Variants in GYS2 observed in about 807,000 individuals in gnomAD.
GYS2 encodes glycogen synthase 2.
GYS2 carries 80 observed loss-of-function variants against 85.6 expected under a neutral mutation model. The ratio of observed to expected loss-of-function variants is 0.93; its 90% confidence interval spans 0.78 to 1.13. The LOEUF is 1.13. Among genes scored for constraint, GYS2 ranks in the 50% most tolerant of loss-of-function variants. The pLI, the probability that GYS2 is intolerant of heterozygous loss-of-function variation, is 0.00. For missense variants in GYS2, 881 were observed against 854.9 expected, an observed-to-expected ratio of 1.03 and a Z score of -0.38; for synonymous variants, 328 against 300.7, an observed-to-expected ratio of 1.09 and a Z score of -0.94.
chr12:21,536,859 T>G lies in GYS2; in HGVS notation c.*95A>C. 1.2e-6 allele frequency: 1 copy of G among 846,034 alleles called. No individual in the cohort carries two copies. 52.4% of individuals were successfully genotyped at this position (846,034 alleles called of 1,614,324 possible). On this transcript the variant is annotated 3_prime_UTR_variant, in exon 16 of 16. Coordinates refer to ENST00000261195, the MANE Select transcript of GYS2 (RefSeq NM_021957.4). Reference sequence around the variant, plus strand: ...AGAGAATAAACTCCATTGTAATACTTAGAAGGAGAAAATGAAATTTGTGGC... The same window carrying G: ...AGAGAATAAACTCCATTGTAATACTGAGAAGGAGAAAATGAAATTTGTGGC...
Position 21,586,632 on chromosome 12 carries a change from T to C in GYS2, c.122-6109A>G, listed in dbSNP as rs183192284. On this transcript the variant is annotated intron_variant, in intron 1 of 15. Transcript: ENST00000261195. Reference sequence around the variant, plus strand: ...TTAAAACCACCATATGATACCTCCTTATGCCAGTCAGAATGGCTATCATTA... The same window carrying C: ...TTAAAACCACCATATGATACCTCCTCATGCCAGTCAGAATGGCTATCATTA... 9.7e-4 allele frequency among the ~76,000 whole-genome samples: 148 copies of C among 152,260 alleles called. 1 individual carries two copies. Among genetic ancestry groups the C allele is most frequent in the Non-Finnish European group, 1.9e-3 (130 of 68,016 alleles).
intron 12 of GYS2, among the ~76,000 whole-genome samples, chr12:21,544,132 A>T (rs895611993): frequency 4.6e-5 from 7 of 152,214 alleles, no homozygotes; most frequent in African/African-American, 1.7e-4. Context: ...ACGTAAAAAG[A>T]TTATTCTAAA....
intron 2 of GYS2, among the ~76,000 whole-genome samples, chr12:21,576,807 T>TA (rs1944452295): frequency 1.3e-5 from 2 of 152,200 alleles, no homozygotes; most frequent in African/African-American, 4.8e-5. Context: ...TCTCCATATT[T>TA]CTATAGTAAT....
At chr12:21,576,310 A>G (rs1028723119) in intron 2 of GYS2, among the ~76,000 whole-genome samples, 1 of 152,194 alleles carries the variant, frequency 6.6e-6, no homozygotes, top group African/African-American at 2.4e-5. Context: ...AAATCATGTA[A>G]TCTCTGTTCA....
At chr12:21,575,723 C>T (rs1944437220) in intron 3 of GYS2, 143 bp downstream of exon 3, 2 of 718,486 alleles carry the variant, frequency 2.8e-6, no homozygotes, top group Admixed American at 2.0e-5. Context: ...TCAACATTTC[C>T]TCAGATTTCT....
chr12:21,580,078 C>T (rs971539208), intron 2 of GYS2, among the ~76,000 whole-genome samples: 1 of 152,186 alleles, frequency 6.6e-6, no homozygotes, highest in African/African-American at 2.4e-5. Context: ...ACACTCATGA[C>T]TTCAGTTTAT....
intron 15 of GYS2, among the ~76,000 whole-genome samples, chr12:21,537,811 A>G (rs1943927456): frequency 6.6e-6 from 1 of 152,336 alleles, no homozygotes; most frequent in South Asian, 2.1e-4. Context: ...GAGATAACTT[A>G]TTTGATAAAC....
intron 12 of GYS2, among the ~76,000 whole-genome samples, chr12:21,546,100 C>T (rs1944036222): frequency 6.6e-6 from 1 of 151,986 alleles, no homozygotes; most frequent in Admixed American, 6.6e-5. Flanking sequence ...TGAGGCAATA[C>T]CTCACATACC....
intron 4 of GYS2, among the ~76,000 whole-genome samples, chr12:21,570,468 G>A (rs553798290): frequency 3.3e-5 from 5 of 152,242 alleles, no homozygotes; most frequent in South Asian, 2.1e-4. Context: ...CGCAGTAAGC[G>A]TAGTCAGTAT....
At chr12:21,587,223 C>A (rs1944584000) in intron 1 of GYS2, among the ~76,000 whole-genome samples, 1 of 152,154 alleles carries the variant, frequency 6.6e-6, no homozygotes, top group Non-Finnish European at 1.5e-5. Flanking sequence ...GACTGAAAAA[C>A]TACGGATTGG....
chr12:21,536,782 T>C lies in GYS2; in HGVS notation c.*172A>G. 1 of 625,176 alleles carries C rather than the reference T, an allele frequency of 1.6e-6. No individual in the cohort carries two copies. The highest frequency in any genetic ancestry group is 2.8e-6 in the Non-Finnish European group (1 of 353,096). The allele number at this position is 625,176 out of a possible 1,614,324, so 38.7% of individuals were successfully genotyped here. ...AGAGTTGGGGAAAATAACTTGGATC[T>C]TATCCTAAATTACAAAATTGTCATT... is the stretch of plus-strand genomic sequence containing the variant. On this transcript the variant is annotated 3_prime_UTR_variant, in exon 16 of 16. Transcript: ENST00000261195.
intron 1 of GYS2, among the ~76,000 whole-genome samples, chr12:21,594,832 CT>C (rs1725079693): frequency 6.6e-6 from 1 of 152,134 alleles, no homozygotes; most frequent in Admixed American, 6.5e-5. Context: ...ATCATACTAC[CT>C]GATTTCAAAG....
intron 2 of GYS2, 144 bp downstream of exon 2, chr12:21,580,198 A>C: frequency 1.3e-6 from 1 of 785,324 alleles, no homozygotes; most frequent in Admixed American, 1.9e-5. Context: ...CAATCCATTT[A>C]AAAGCAAGTT....
rs2136906420 is a variant in GYS2 at position 21,576,011 on chromosome 12, A to G, written c.350T>C (p.Leu117Pro). The G allele has an allele frequency of 6.2e-7, 1 of 1,613,866 alleles. No individual in the cohort carries two copies. Among genetic ancestry groups the G allele is most frequent in the East Asian group, 2.2e-5 (1 of 44,880 alleles). ...WLIEGSPYVV[L>P]FDIGYSAWNL... ...CCAAGCTGAATAGCCTATGTCAAAA[A>G]GTACCACATAAGGACTTCCTTCTAT... Residue 117 changes from leucine (L) to proline (P), a missense_variant, in exon 3 of 16, where the codon CTT (leucine) becomes CCT (proline). Leu to Pro is a moderately conservative substitution (Grantham distance 98, BLOSUM62 -3). Transcript: ENST00000261195.
chr12:21,555,191 A>G (rs770799971), intron 11 of GYS2, among the ~76,000 whole-genome samples: 8 of 152,198 alleles, frequency 5.3e-5, no homozygotes, highest in Non-Finnish European at 8.8e-5. Flanking sequence ...AGACAGAAAG[A>G]CCAGCTTAGG....
Position 21,604,482 on chromosome 12 carries a change from C to A in GYS2, c.111G>T (p.Val37=). 3 of 1,607,088 alleles carry A rather than the reference C, an allele frequency of 1.9e-6. No homozygotes were observed. In the South Asian group the frequency reaches 3.3e-5, roughly 18 times the overall value. The change falls in exon 1 of 16, where the codon GTG becomes GTT. Residue 37 remains valine, a synonymous_variant. Coordinates refer to ENST00000261195, the MANE Select transcript of GYS2 (RefSeq NM_021957.4). ...AGGAGCAGTACAAACCTTTATTGGTCACTTCCCAAGCAACTTCAAAGAGCA... is the reference window on the plus strand; with the variant it reads ...AGGAGCAGTACAAACCTTTATTGGTAACTTCCCAAGCAACTTCAAAGAGCA... ...ELLLFEVAWE[V]TNKVGGIYTV...
chr12:21,547,466 AAAAT>A (rs1434437125), intron 11 of GYS2, among the ~76,000 whole-genome samples: 2 of 152,224 alleles, frequency 1.3e-5, no homozygotes, highest in Admixed American at 6.5e-5. Context: ...TCAAGCCATG[AAAAT>A]AAATAGAGGA....
chr12:21,545,454 A>G (rs1944027253), intron 12 of GYS2, among the ~76,000 whole-genome samples: 3 of 152,252 alleles, frequency 2.0e-5, no homozygotes, highest in Admixed American at 1.3e-4. Flanking sequence ...AGAAATAATA[A>G]TAAAATCACA....
chr12:21,541,283 A>AC (rs1444053549), intron 13 of GYS2, among the ~76,000 whole-genome samples: 8 of 144,544 alleles, frequency 5.5e-5, no homozygotes, highest in African/African-American at 7.9e-5. Flanking sequence ...AAAAAAAAAA[A>AC]AAAAAAAACA....
Sources: allele counts gnomAD v4.1 joint callset (sites outside exome capture counted in the v4.1 genomes callset), GRCh38; gene constraint gnomAD v4.1.1; transcripts MANE v1.5; gene names NCBI Gene and HGNC (gene_info 2026-07-23, HGNC 2026-07-21).